PRKCQ: variants seen among roughly 807,000 people sequenced by gnomAD.
PRKCQ encodes the protein protein kinase C theta type.
PRKCQ carries 41 observed loss-of-function variants against 91.2 expected under a neutral mutation model. The observed-to-expected ratio is 0.45, with a 90% CI of 0.35 to 0.58. The LOEUF (loss-of-function observed/expected upper bound fraction) is 0.58. Among genes scored for constraint, PRKCQ ranks in the 20% least tolerant of loss-of-function variants. PRKCQ has a pLI of 0.00. For missense variants in PRKCQ, 673 were observed against 896.5 expected, an observed-to-expected ratio of 0.75 and a Z score of 3.18; for synonymous variants, 307 against 316.9, an observed-to-expected ratio of 0.97 and a Z score of 0.33.
intron 1 of PRKCQ, among the ~76,000 whole-genome samples, chr10:6,541,287 G>A (rs1482469048): frequency 1.3e-5 from 2 of 152,182 alleles, no homozygotes; most frequent in African/African-American, 2.4e-5. Flanking sequence ...TGAATTTGGC[G>A]TTGGCCTAGT....
chr10:6,429,450 G>C (rs1833295025), intron 17 of PRKCQ, among the ~76,000 whole-genome samples: 1 of 152,184 alleles, frequency 6.6e-6, no homozygotes, highest in South Asian at 2.1e-4. Context: ...CAGATGTTGA[G>C]AACAACTATT....
At chr10:6,503,236 G>A (rs190796207) in intron 4 of PRKCQ, among the ~76,000 whole-genome samples, 1 of 152,204 alleles carries the variant, frequency 6.6e-6, no homozygotes, top group Non-Finnish European at 1.5e-5. Flanking sequence ...CTGAGAATAA[G>A]GGCAGAATTG....
chr10:6,407,297 G>T, the PRKCQ span, among the ~76,000 whole-genome samples: 3 of 151,804 alleles, frequency 2.0e-5, no homozygotes, highest in Non-Finnish European at 2.9e-5. The surrounding 1 kb of genome is among the most constrained non-coding windows in gnomAD (Gnocchi z 4.0). Context: ...GGGATGAGTG[G>T]GGGCATAAGA....
At chr10:6,456,989 G>C (rs1835041909) in intron 14 of PRKCQ, among the ~76,000 whole-genome samples, 177 bp from the exon 15 acceptor site, 1 of 152,130 alleles carries the variant, frequency 6.6e-6, no homozygotes, top group Non-Finnish European at 1.5e-5. Context: ...ATTCTGCAAG[G>C]GCACGCTGGC....
intron 13 of PRKCQ, among the ~76,000 whole-genome samples, chr10:6,464,077 A>G (rs1835501105): frequency 6.6e-6 from 1 of 152,172 alleles, no homozygotes; most frequent in Non-Finnish European, 1.5e-5. Context: ...AAGCCTGATG[A>G]ATCGGGATGG....
At chr10:6,456,638 TG>T in intron 15 of PRKCQ, 35 bp downstream of exon 15, 1 of 1,610,922 alleles carries the variant, frequency 6.2e-7, no homozygotes, top group Non-Finnish European at 8.5e-7. Context: ...GGCCAGGGCA[TG>T]GTGAGGTGGG....
downstream of PRKCQ, among the ~76,000 whole-genome samples, chr10:6,423,569 C>A (rs894252390): frequency 6.6e-6 from 1 of 152,144 alleles, no homozygotes; most frequent in African/African-American, 2.4e-5. Context: ...TGCAAGACTC[C>A]CAGCACCTTG....
chr10:6,505,739 G>C (rs959646964), intron 4 of PRKCQ, among the ~76,000 whole-genome samples: 2 of 151,854 alleles, frequency 1.3e-5, no homozygotes, highest in African/African-American at 4.8e-5. Flanking sequence ...TCAATAACCT[G>C]GGCTTAAGCG....
chr10:6,408,093 A>G, the PRKCQ span, among the ~76,000 whole-genome samples: 2 of 120,598 alleles, frequency 1.7e-5, no homozygotes, highest in African/African-American at 6.8e-5. Flanking sequence ...TGGAATCAGG[A>G]TCCGGATAAG....
chr10:6,512,649 T>G (rs1838540195), intron 2 of PRKCQ, among the ~76,000 whole-genome samples: 1 of 152,198 alleles, frequency 6.6e-6, no homozygotes. Context: ...AAAATCTGCT[T>G]AAAGCCAGGA....
intron 1 of PRKCQ, among the ~76,000 whole-genome samples, chr10:6,568,441 T>C (rs929282797): frequency 5.9e-5 from 9 of 152,116 alleles, no homozygotes; most frequent in Admixed American, 2.0e-4. Context: ...CTTTTGCTTA[T>C]AGAATATTTT....
At chr10:6,423,472 G>C (rs774756548), downstream of PRKCQ, among the ~76,000 whole-genome samples, 3 of 152,180 alleles carry the variant, frequency 2.0e-5, no homozygotes. Flanking sequence ...TCATTCCCCG[G>C]CCTGCCGTCG....
chr10:6,440,340 G>C (rs2132255180), intron 16 of PRKCQ, among the ~76,000 whole-genome samples: 1 of 152,322 alleles, frequency 6.6e-6, no homozygotes, highest in South Asian at 2.1e-4. Context: ...ATATAGGCCA[G>C]GGACTGGACT....
chr10:6,415,178 G>T, the PRKCQ span, among the ~76,000 whole-genome samples: 91,588 of 151,058 alleles, frequency 0.61, 29,973 homozygotes, highest in East Asian at 0.79. Flanking sequence ...GGCCAGGTTG[G>T]TCTTCAACTC....
In PRKCQ at chr10:6,497,704, T is replaced by C. The variant is rs1418551583; in HGVS notation, c.543-453A>G. 6.6e-6 allele frequency among the ~76,000 whole-genome samples: 1 copy of C among 152,122 alleles called. No homozygotes were observed. The highest frequency in any genetic ancestry group is 1.5e-5 in the Non-Finnish European group (1 of 68,018). ...ATGCAGGACCGATTCCTGAGTGACA[T>C]CCATGATTAGAGAGAAAGGAGGTTC... is the stretch of plus-strand genomic sequence containing the variant. On this transcript the variant is annotated intron_variant, in intron 5 of 17. Coordinates refer to ENST00000263125, the MANE Select transcript of PRKCQ (RefSeq NM_006257.5). This position sits in a 1 kb window ranked among gnomAD's most constrained non-coding sequence, Gnocchi z 4.5.
intron 1 of PRKCQ, among the ~76,000 whole-genome samples, chr10:6,567,807 C>G (rs1333587556): frequency 6.6e-6 from 1 of 152,180 alleles, no homozygotes; most frequent in African/African-American, 2.4e-5. Context: ...GTTTACTACT[C>G]TTTCCTTTTA....
intron 4 of PRKCQ, among the ~76,000 whole-genome samples, chr10:6,506,842 A>T (rs1838223545): frequency 6.6e-6 from 1 of 152,238 alleles, no homozygotes; most frequent in Non-Finnish European, 1.5e-5. Context: ...TTTGATTCAC[A>T]TACACAGCCC....
At position 6,427,531 on chromosome 10, in the gene PRKCQ, T is replaced by TGACA. The variant is rs1833174578; in HGVS notation, c.*672_*675dup. Reference sequence around the variant, plus strand: ...TGAAATGATACTATCTTTTCTATCTTGACAAGATAACAAGCGAAGGTGTCT... The same window carrying TGACA: ...TGAAATGATACTATCTTTTCTATCTTGACAGACAAGATAACAAGCGAAGGTGTCT... On this transcript the variant is annotated 3_prime_UTR_variant, in exon 18 of 18. Transcript: ENST00000263125. The TGACA allele has an allele frequency of 6.6e-6, 1 of 152,436 alleles. No homozygotes were observed. Among genetic ancestry groups the TGACA allele is most frequent in the Non-Finnish European group, 1.5e-5 (1 of 68,218 alleles). The allele number at this position is 152,436 out of a possible 1,614,324, so 9.4% of individuals were successfully genotyped here. A position where few individuals can be genotyped will look rare whatever the true frequency, so the allele number is the denominator to read the frequency against.
In PRKCQ at chr10:6,515,087, A is replaced by G. The variant is rs1838686036; in HGVS notation, c.49T>C (p.Cys17Arg). 6.2e-7 allele frequency: 1 copy of G among 1,613,808 alleles called. No homozygotes were observed. The highest frequency in any genetic ancestry group is 1.1e-5 in the South Asian group (1 of 91,046). Reference sequence around the variant, plus strand: ...ACAGCCTCGCCCTGACAAGACTGGCAGGACCCGCAGTCAAAGTTGGACAAG... The same window carrying G: ...ACAGCCTCGCCCTGACAAGACTGGCGGGACCCGCAGTCAAAGTTGGACAAG... ...IGLSNFDCGS[C>R]QSCQGEAVNP... The change falls in exon 2 of 18, where the codon TGC (cysteine) becomes CGC (arginine). Residue 17 changes from cysteine to arginine, a missense_variant. Physicochemically the swap from Cys to Arg is radical, Grantham distance 180. Transcript: ENST00000263125.
Sources: gnomAD v4.1 joint callset for allele counts (sites outside exome capture counted in the v4.1 genomes callset) on GRCh38, gnomAD v4.1.1 for gene constraint, Gnocchi (gnomAD v3.1) non-coding constraint, MANE v1.5 for transcripts, NCBI Gene and HGNC (gene_info 2026-07-23, HGNC 2026-07-21) for gene names.